PMS1: variants seen among roughly 807,000 people sequenced by gnomAD.
PMS1 encodes the protein PMS1 homolog 1, mismatch repair system component.
PMS1 carries 79 observed loss-of-function variants against 93.1 expected under a neutral mutation model. The ratio of observed to expected loss-of-function variants is 0.85; its 90% CI spans 0.71 to 1.02. The LOEUF is 1.02. PMS1 is among the 50% of genes least tolerant of loss of function. The probability of loss-of-function intolerance (pLI) is 0.00; values close to 1 mark genes in which losing one functional copy is unlikely to be tolerated. For synonymous variants in PMS1, 335 were observed against 363.4 expected, an observed-to-expected ratio of 0.92 and a Z score of 0.89; for missense variants, 1,064 against 1,085.3, an observed-to-expected ratio of 0.98 and a Z score of 0.28.
At chr2:189,802,472 T>G (rs901050854) in intron 3 of PMS1, among the ~76,000 whole-genome samples, 3 of 152,200 alleles carry the variant, frequency 2.0e-5, no homozygotes, top group Non-Finnish European at 4.4e-5. Context: ...GAGAAGAGAT[T>G]GGTCTTGCTG....
intron 5 of PMS1, among the ~76,000 whole-genome samples, chr2:189,838,925 G>A (rs976472651): frequency 2.6e-5 from 4 of 152,070 alleles, no homozygotes; most frequent in African/African-American, 9.7e-5. Context: ...TTTTGAATGT[G>A]AACTTTCAGT....
intron 4 of PMS1, among the ~76,000 whole-genome samples, chr2:189,809,594 C>T (rs575030723): frequency 4.0e-4 from 60 of 151,826 alleles, no homozygotes; most frequent in African/African-American, 1.4e-3. Context: ...GCCTGTAATC[C>T]CAGCACTTTA....
intron 3 of PMS1, among the ~76,000 whole-genome samples, chr2:189,796,481 C>T (rs2049367448): frequency 6.6e-6 from 1 of 152,178 alleles, no homozygotes; most frequent in Admixed American, 6.5e-5. Context: ...TTATTCATCT[C>T]CGCAACCTTT....
At chr2:189,787,606 T>TG (rs2048478375) in intron 1 of PMS1, among the ~76,000 whole-genome samples, 1 of 151,414 alleles carries the variant, frequency 6.6e-6, no homozygotes, top group African/African-American at 2.4e-5. Context: ...CTTTTTTATT[T>TG]TTTTTTTAGC....
chr2:189,826,278 A>G (rs1177835702), intron 5 of PMS1, among the ~76,000 whole-genome samples: 1 of 152,192 alleles, frequency 6.6e-6, no homozygotes, highest in East Asian at 1.9e-4. Context: ...GTTCTAATTC[A>G]GGAGTGTGGC....
intron 4 of PMS1, among the ~76,000 whole-genome samples, chr2:189,807,416 C>T (rs1405870731): frequency 6.6e-6 from 1 of 152,118 alleles, no homozygotes; most frequent in African/African-American, 2.4e-5. Context: ...AAATATGGCT[C>T]CTCTCTAGAA....
At chr2:189,821,488 G>A (rs1433567474) in intron 5 of PMS1, among the ~76,000 whole-genome samples, 1 of 147,506 alleles carries the variant, frequency 6.8e-6, no homozygotes, top group African/African-American at 2.5e-5. Flanking sequence ...AAAGTGAGTG[G>A]AAGAGAAATC....
chr2:189,841,109 TAGAGCCAAAA>T (rs902795564), intron 5 of PMS1, among the ~76,000 whole-genome samples: 1 of 152,232 alleles, frequency 6.6e-6, no homozygotes, highest in Non-Finnish European at 1.5e-5. Flanking sequence ...AGTGAATGTT[TAGAGCCAAAA>T]AGATTGAGTA....
intron 6 of PMS1, among the ~76,000 whole-genome samples, chr2:189,847,034 G>A (rs2054311854): frequency 6.6e-6 from 1 of 151,608 alleles, no homozygotes; most frequent in South Asian, 2.1e-4. Context: ...ACTAATTTTT[G>A]TATTTTTAAT....
intron 5 of PMS1, among the ~76,000 whole-genome samples, chr2:189,826,330 T>C (rs1019429439): frequency 3.3e-5 from 5 of 152,156 alleles, no homozygotes; most frequent in Non-Finnish European, 5.9e-5. Flanking sequence ...CCAGTGCCAA[T>C]CTGGAAAGTT....
rs1226036005 is a variant in PMS1 at position 189,854,806 on chromosome 2, A to G, written c.1534A>G (p.Ile512Val). ...ACTTAAAAATTCAGTGGGAGAGAAT[A>G]TTGAACCTGTGAAAATTTTAGTGCC... ...NILKNSVGEN[I>V]EPVKILVPEK... The change falls in exon 9 of 13, where the codon ATT becomes GTT. Residue 512 changes from isoleucine to valine, a missense_variant. Coordinates refer to ENST00000441310, the MANE Select transcript of PMS1 (RefSeq NM_000534.5). The G allele has an allele frequency of 1.9e-6, 3 of 1,613,220 alleles. No homozygotes were observed. The highest frequency in any genetic ancestry group is 2.2e-5 in the South Asian group (2 of 91,056).
intron 2 of PMS1, among the ~76,000 whole-genome samples, chr2:189,793,399 AAC>A (rs1304240370): frequency 5.3e-5 from 8 of 152,204 alleles, no homozygotes; most frequent in African/African-American, 1.9e-4. Flanking sequence ...TGGGTTATGG[AAC>A]ACACTTTGAG....
In PMS1 at chr2:189,818,285, C is replaced by T. The variant is rs531544207; in HGVS notation, c.582+105C>T. Reference sequence around the variant, plus strand: ...GGGCTATGACTAAATGTTTGTGTGCCCTCACAAAATTTATTTGTTGAAAAC... The same window carrying T: ...GGGCTATGACTAAATGTTTGTGTGCTCTCACAAAATTTATTTGTTGAAAAC... On this transcript the variant is annotated intron_variant, in intron 5 of 12. Coordinates refer to ENST00000441310, the MANE Select transcript of PMS1 (RefSeq NM_000534.5). 158 of 764,938 alleles carry T rather than the reference C, an allele frequency of 2.1e-4. 1 individual carries two copies. The South Asian group carries it at 2.5e-3, about 12-fold the overall frequency. The allele number at this position is 764,938 out of a possible 1,614,324, so 47.4% of individuals were successfully genotyped here. A position where few individuals can be genotyped will look rare whatever the true frequency, so the allele number is the denominator to read the frequency against.
intron 5 of PMS1, among the ~76,000 whole-genome samples, chr2:189,818,754 C>T (rs772765378): frequency 2.6e-5 from 4 of 152,136 alleles, no homozygotes; most frequent in Non-Finnish European, 5.9e-5. Context: ...CCCCAGCAGA[C>T]GTTTTTCATC....
intron 5 of PMS1, among the ~76,000 whole-genome samples, chr2:189,835,629 G>A (rs2053313334): frequency 6.6e-6 from 1 of 151,968 alleles, no homozygotes. Flanking sequence ...TAAACTTATG[G>A]TACTTAAGAA....
intron 9 of PMS1, among the ~76,000 whole-genome samples, chr2:189,856,296 C>G (rs564864336): frequency 3.3e-5 from 5 of 152,138 alleles, no homozygotes; most frequent in Non-Finnish European, 7.4e-5. Context: ...CCTGTTTCAT[C>G]CATACTTCCA....
At chr2:189,791,004 A>G (rs532707434) in intron 1 of PMS1, among the ~76,000 whole-genome samples, 2 of 152,326 alleles carry the variant, frequency 1.3e-5, no homozygotes, top group East Asian at 1.9e-4. Context: ...AAGTCAGAAT[A>G]TAATTAGTCA....
chr2:189,840,846 T>C (rs2053765275), intron 5 of PMS1, among the ~76,000 whole-genome samples: 1 of 152,214 alleles, frequency 6.6e-6, no homozygotes, highest in Admixed American at 6.5e-5. Flanking sequence ...AGAACCCCAG[T>C]GTACTCCTTG....
intron 5 of PMS1, among the ~76,000 whole-genome samples, chr2:189,842,205 T>C (rs954646276): frequency 2.6e-5 from 4 of 152,014 alleles, no homozygotes; most frequent in Non-Finnish European, 4.4e-5. Flanking sequence ...TCACTCAACA[T>C]TGGAAACATA....
Sources: gnomAD v4.1 joint callset for allele counts (sites outside exome capture counted in the v4.1 genomes callset) on GRCh38, gnomAD v4.1.1 for gene constraint, MANE v1.5 for transcripts, NCBI Gene and HGNC (gene_info 2026-07-23, HGNC 2026-07-21) for gene names.